FBXL13: variants seen among roughly 807,000 people sequenced by gnomAD.
FBXL13 encodes F-box and leucine-rich repeat protein 13.
In FBXL13, 67 loss-of-function variants were observed where a neutral mutation model predicts 83.6. The observed-to-expected ratio is 0.80, with a 90% CI of 0.66 to 0.98. The LOEUF (loss-of-function observed/expected upper bound fraction) is 0.98. Ranked by LOEUF, FBXL13 falls within the 50% of genes least tolerant of loss-of-function variation. FBXL13 has a pLI of 0.00. For synonymous variants in FBXL13, 272 were observed against 299.5 expected (o/e 0.91, Z 0.95); for missense variants, 822 against 866.5 (o/e 0.95, Z 0.64).
chr7:103,011,162 C>T (rs2129486495), intron 6 of FBXL13, among the ~76,000 whole-genome samples: 1 of 152,272 alleles, frequency 6.6e-6, no homozygotes, highest in African/African-American at 2.4e-5. Context: ...AAACAATTGC[C>T]CTAGTTCCCT....
At chr7:103,036,009 G>T (rs1398764675) in intron 2 of FBXL13, among the ~76,000 whole-genome samples, 1 of 152,196 alleles carries the variant, frequency 6.6e-6, no homozygotes, top group African/African-American at 2.4e-5. Flanking sequence ...CAGTGGGCAA[G>T]CGAGCATTAC....
chr7:102,895,934 T>C (rs1812196913), intron 11 of FBXL13, among the ~76,000 whole-genome samples: 1 of 152,246 alleles, frequency 6.6e-6, no homozygotes, highest in African/African-American at 2.4e-5. Context: ...TAGTACATTT[T>C]ATCCATTCAT....
intron 18 of FBXL13, among the ~76,000 whole-genome samples, chr7:102,831,367 A>G (rs1040721314): frequency 1.3e-5 from 2 of 150,382 alleles, no homozygotes; most frequent in Admixed American, 6.6e-5. Flanking sequence ...GAGGGCAGGC[A>G]TGCTGTTAAA....
intron 6 of FBXL13, among the ~76,000 whole-genome samples, chr7:103,000,328 G>C (rs1220220262): frequency 1.3e-5 from 2 of 152,118 alleles, no homozygotes; most frequent in African/African-American, 2.4e-5. Context: ...CTGGCCAACA[G>C]AGCAAGACCC....
At chr7:102,953,032 C>T (rs1823665679) in intron 8 of FBXL13, among the ~76,000 whole-genome samples, 1 of 152,062 alleles carries the variant, frequency 6.6e-6, no homozygotes, top group Admixed American at 6.6e-5. Context: ...AACAGAGAGC[C>T]TAGGACCAGA....
intron 6 of FBXL13, among the ~76,000 whole-genome samples, chr7:102,986,026 C>G (rs573480984): frequency 1.5e-4 from 23 of 152,010 alleles, no homozygotes; most frequent in Middle Eastern, 6.8e-3. Flanking sequence ...TGCCCCCCCC[C>G]CATCAATACA....
chr7:102,937,344 A>C (rs1266373105), intron 8 of FBXL13, among the ~76,000 whole-genome samples: 1 of 23,302 alleles, frequency 4.3e-5, no homozygotes, highest in East Asian at 8.3e-4. Flanking sequence ...TACTAAAAAT[A>C]CAAAAAAAAA....
At chr7:102,851,553 T>TTCTTC (rs1280058609) in intron 17 of FBXL13, among the ~76,000 whole-genome samples, 3 of 143,462 alleles carry the variant, frequency 2.1e-5, no homozygotes, top group Admixed American at 7.0e-5. Context: ...TTCCTTCTTC[T>TTCTTC]TCTCTCTCTC....
chr7:102,955,809 T>A (rs1824173129), intron 8 of FBXL13, among the ~76,000 whole-genome samples: 2 of 151,954 alleles, frequency 1.3e-5, no homozygotes, highest in Admixed American at 1.3e-4. Flanking sequence ...CCTGGACACA[T>A]ACACCCTCCC....
chr7:102,935,340 C>T (rs113508717), intron 8 of FBXL13, among the ~76,000 whole-genome samples: 5,176 of 145,652 alleles, frequency 0.036, 270 homozygotes, highest in African/African-American at 0.12. Flanking sequence ...CAACCTCCAC[C>T]TCCCGGGTTC....
intron 19 of FBXL13, among the ~76,000 whole-genome samples, chr7:102,815,780 G>A (rs185437779): frequency 3.3e-5 from 5 of 152,136 alleles, no homozygotes; most frequent in Admixed American, 2.0e-4. Flanking sequence ...TACTACTAAT[G>A]ATAAGTCTGG....
At chr7:102,912,279 G>C (rs1160549087) in intron 11 of FBXL13, among the ~76,000 whole-genome samples, 1 of 152,106 alleles carries the variant, frequency 6.6e-6, no homozygotes, top group Non-Finnish European at 1.5e-5. Flanking sequence ...ATATGGTAAT[G>C]ACTCAAGAAA....
chr7:102,957,399 G>A (rs1585126344), intron 8 of FBXL13, among the ~76,000 whole-genome samples: 1 of 152,272 alleles, frequency 6.6e-6, no homozygotes, highest in South Asian at 2.1e-4. Context: ...ATGGATTCAA[G>A]ACTTAAATGT....
At chr7:102,821,569 T>A (rs564379207) in intron 19 of FBXL13, among the ~76,000 whole-genome samples, 3 of 152,340 alleles carry the variant, frequency 2.0e-5, no homozygotes, top group Admixed American at 2.0e-4. Flanking sequence ...ATCTGCCTAA[T>A]AGAACCTTAC....
At chr7:103,054,686 A>G (rs892777298) in intron 2 of FBXL13, among the ~76,000 whole-genome samples, 9 of 152,218 alleles carry the variant, frequency 5.9e-5, no homozygotes, top group Admixed American at 2.6e-4. Context: ...GAGAAGGCAG[A>G]CAGCAGAGAG....
chr7:102,906,687 AG>A (rs1267636225), intron 11 of FBXL13, among the ~76,000 whole-genome samples: 1 of 152,200 alleles, frequency 6.6e-6, no homozygotes, highest in Non-Finnish European at 1.5e-5. Flanking sequence ...CTAGCATGTA[AG>A]GTTTACACTG....
chr7:103,069,657 T>G (rs1798739498), intron 1 of FBXL13, among the ~76,000 whole-genome samples: 1 of 152,170 alleles, frequency 6.6e-6, no homozygotes, highest in Non-Finnish European at 1.5e-5. Flanking sequence ...GATCAGTCCC[T>G]TCCTGGACTG....
chr7:102,881,558 T>C (rs993312116), intron 14 of FBXL13, among the ~76,000 whole-genome samples: 5 of 142,370 alleles, frequency 3.5e-5, no homozygotes, highest in South Asian at 2.3e-4. Flanking sequence ...CACTTGTGTA[T>C]GTAGTGTGTG....
At chr7:102,936,525 G>T (rs1563118480) in intron 8 of FBXL13, among the ~76,000 whole-genome samples, 1 of 152,160 alleles carries the variant, frequency 6.6e-6, no homozygotes, top group Non-Finnish European at 1.5e-5. Flanking sequence ...CCCGGATATT[G>T]TTATGGTGAG....
Sources: allele counts gnomAD v4.1 joint callset (sites outside exome capture counted in the v4.1 genomes callset), GRCh38; gene constraint gnomAD v4.1.1; transcripts MANE v1.5; gene names NCBI Gene and HGNC (gene_info 2026-07-23, HGNC 2026-07-21).